The following ANKRD16 variants were observed in gnomAD, a reference collection of about 807,000 sequenced individuals.
The protein encoded by ANKRD16 is ankyrin repeat domain 16, also known as ankyrin repeat domain-containing protein 16.
ANKRD16 carries 35 observed loss-of-function variants against 37.9 expected under a neutral mutation model. That is an observed-to-expected ratio of 0.92 (90% CI 0.71 to 1.23). The LOEUF is 1.23. Ranked by LOEUF, ANKRD16 falls within the 50% of genes most tolerant of loss-of-function variation. ANKRD16 has a pLI of 0.00. For synonymous variants in ANKRD16, 206 were observed against 197.2 expected (o/e 1.04, Z -0.37); for missense variants, 480 against 469.9 (o/e 1.02, Z -0.20).
rs1842065431 is a variant in ANKRD16, at chr10:5,870,221, T to A, written c.*34-7530A>T. ...CTGCCTTCCCATTCTCTCTCAAACC[T>A]GCTCTGATCTTTGTCCAGCTCCTCA... On this transcript the variant is annotated intron_variant, in intron 7 of 7. Coordinates refer to ENST00000380094, the MANE Select transcript of ANKRD16 (RefSeq NM_019046.3). This position sits in a 1 kb window ranked among gnomAD's most constrained non-coding sequence, Gnocchi z 5.0. Among the ~76,000 whole-genome samples the A allele has an allele frequency of 6.6e-6, 1 of 152,008 alleles. No individual in the cohort carries two copies. Among genetic ancestry groups the A allele is most frequent in the Admixed American group, 6.6e-5 (1 of 15,254 alleles).
Position 5,878,089 on chromosome 10 carries a change from T to C in ANKRD16, c.*33+8A>G. 6.3e-7 allele frequency: 1 copy of C among 1,588,774 alleles called. No homozygotes were observed. Among genetic ancestry groups the C allele is most frequent in the Non-Finnish European group, 8.6e-7 (1 of 1,166,548 alleles). On this transcript the variant is annotated splice_region_variant and intron_variant, in intron 7 of 7. Transcript: ENST00000380094. This position sits in a 1 kb window ranked among gnomAD's most constrained non-coding sequence, Gnocchi z 5.1. ...TGTGACTGACTTAAGAAGCAGGATA[T>C]GAATTACCATGCACTTTATTGCCTC...
chr10:5,882,526 T>C (rs1171294496), intron 5 of ANKRD16, among the ~76,000 whole-genome samples: 1 of 147,202 alleles, frequency 6.8e-6, no homozygotes, highest in Non-Finnish European at 1.5e-5. Context: ...ATAAAGCCAA[T>C]AGATAATGTT....
chr10:5,875,882 TTTTTG>T (rs1369049086), intron 7 of ANKRD16, among the ~76,000 whole-genome samples: 1 of 133,826 alleles, frequency 7.5e-6, no homozygotes, highest in African/African-American at 2.8e-5. Context: ...CAGGCTAATT[TTTTTG>T]TTTTGTTTTG....
At chr10:5,887,451 T>C (rs1264773086) in intron 2 of ANKRD16, among the ~76,000 whole-genome samples, 3 of 151,504 alleles carry the variant, frequency 2.0e-5, no homozygotes, top group South Asian at 4.1e-4. Context: ...CTTGGCTTAG[T>C]ACAACCTCTG....
At position 5,889,162 on chromosome 10, in the gene ANKRD16, C is replaced by CGGTT; in HGVS notation, c.192_193insAACC (p.Glu65AsnfsTer108). 1 of 1,598,410 alleles carries CGGTT rather than the reference C, an allele frequency of 6.3e-7. No individual in the cohort carries two copies. Among genetic ancestry groups the CGGTT allele is most frequent in the Non-Finnish European group, 8.5e-7 (1 of 1,179,422 alleles). Reference sequence around the variant, plus strand: ...CGCTTGTAGTCTCGGTTGGTGGCCTCGATGTCCATGCCCCAGGCCTCGGCC... The same window carrying CGGTT: ...CGCTTGTAGTCTCGGTTGGTGGCCTCGGTTGATGTCCATGCCCCAGGCCTCGGCC... On this transcript the variant is annotated frameshift_variant, in exon 1 of 8. Transcript: ENST00000380094. LOFTEE classifies it high-confidence loss of function.
chr10:5,881,933 T>C (rs1842323749), intron 5 of ANKRD16, among the ~76,000 whole-genome samples: 1 of 151,886 alleles, frequency 6.6e-6, no homozygotes, highest in Admixed American at 6.6e-5. Flanking sequence ...ACGATCCACC[T>C]GCCTCAGCCT....
rs1481869195 is a variant in ANKRD16 at position 5,863,059 on chromosome 10, C to G, written c.*34-368G>C. On this transcript the variant is annotated intron_variant, in intron 7 of 7. Coordinates refer to ENST00000380094, the MANE Select transcript of ANKRD16 (RefSeq NM_019046.3). This position sits in a 1 kb window ranked among gnomAD's most constrained non-coding sequence, Gnocchi z 4.7. ...AAAACTGCAGGACAGGGACCCTCAG[C>G]TGCTGCTATACAGCCAGTGATCCTG... is the stretch of plus-strand genomic sequence containing the variant. 1.3e-5 allele frequency among the ~76,000 whole-genome samples: 2 copies of G among 152,122 alleles called. No homozygotes were observed. Among genetic ancestry groups the G allele is most frequent in the African/African-American group, 4.8e-5 (2 of 41,394 alleles).
At chr10:5,873,027 T>TC (rs1842127589) in intron 7 of ANKRD16, among the ~76,000 whole-genome samples, 1 of 102,500 alleles carries the variant, frequency 9.8e-6, no homozygotes, top group Admixed American at 1.1e-4. Context: ...ACCTGGCTAA[T>TC]CTTTTTTTTT....
intron 3 of ANKRD16, among the ~76,000 whole-genome samples, chr10:5,884,647 G>A (rs1018918304): frequency 1.3e-5 from 2 of 149,724 alleles, no homozygotes; most frequent in African/African-American, 2.5e-5. Context: ...CAGGAGAATC[G>A]CTTGAACCTG....
At chr10:5,886,047 G>T (rs748072804) in intron 2 of ANKRD16, among the ~76,000 whole-genome samples, 5 of 152,158 alleles carry the variant, frequency 3.3e-5, no homozygotes, top group Non-Finnish European at 7.3e-5. Context: ...ACACTTCTGT[G>T]CTGTGGATCC....
chr10:5,886,951 T>C (rs1842432827), intron 2 of ANKRD16, among the ~76,000 whole-genome samples: 1 of 152,226 alleles, frequency 6.6e-6, no homozygotes, highest in Non-Finnish European at 1.5e-5. Flanking sequence ...TATGAGTATC[T>C]ATATTTATTT....
chr10:5,885,254 C>G (rs1202682598), intron 3 of ANKRD16, among the ~76,000 whole-genome samples: 1 of 152,062 alleles, frequency 6.6e-6, no homozygotes, highest in African/African-American at 2.4e-5. Context: ...GATCTCGGCT[C>G]ACTGCAAGCT....
rs531840448 is a variant in ANKRD16, at chr10:5,872,755, A to G, written c.*33+5342T>C. On this transcript the variant is annotated intron_variant, in intron 7 of 7. Transcript: ENST00000380094. The stretch of plus-strand genomic sequence containing the variant: ...GTATTTTTAGTAGAGACGGGATTTC[A>G]CCGTGTTAGCCAAGATGGTCTTAAT... 3.3e-5 allele frequency among the ~76,000 whole-genome samples: 5 copies of G among 151,650 alleles called. No homozygotes were observed. The South Asian group carries it at 1.0e-3, about 32-fold the overall frequency.
At chr10:5,881,438 T>TTATAAA (rs1422263395) in intron 5 of ANKRD16, among the ~76,000 whole-genome samples, 1,355 of 50,930 alleles carry the variant, frequency 0.027, 96 homozygotes, top group Middle Eastern at 0.037. Context: ...AAAATATTAT[T>TTATAAA]TATATATATA....
chr10:5,883,637 A>G (rs1227534406), intron 4 of ANKRD16, among the ~76,000 whole-genome samples: 1 of 152,214 alleles, frequency 6.6e-6, no homozygotes, highest in Admixed American at 6.5e-5. Context: ...TTATGATTCA[A>G]TGTTCCAGGC....
At chr10:5,883,256 C>T (rs1842350751) in intron 4 of ANKRD16, 89 bp from the exon 5 acceptor site, 3 of 1,389,386 alleles carry the variant, frequency 2.2e-6, no homozygotes, top group Non-Finnish European at 2.9e-6. Flanking sequence ...TTCAGCAAAA[C>T]TGAGCTGTTT....
intron 5 of ANKRD16, chr10:5,881,141 C>G (rs1181789953): frequency 1.1e-6 from 1 of 893,570 alleles, no homozygotes. Flanking sequence ...ATTCTCAATT[C>G]TAATATAAAT....
At position 5,883,973 on chromosome 10, in the gene ANKRD16, T is replaced by C; in HGVS notation, c.683A>G (p.His228Arg). The C allele has an allele frequency of 1.2e-6, 2 of 1,613,670 alleles. No individual in the cohort carries two copies. The highest frequency in any genetic ancestry group is 2.2e-5 in the East Asian group (1 of 44,876). ...AAAACACAACCATTTTTATACCCCATGTTCATCGAGGAGCAGCCTAGCGAC... is the reference window on the plus strand; with the variant it reads ...AAAACACAACCATTTTTATACCCCACGTTCATCGAGGAGCAGCCTAGCGAC... ...IDVARLLLDEHGACLSAEDSL... is the reference protein window; with the variant it reads ...IDVARLLLDERGACLSAEDSL... Residue 228 changes from histidine to arginine, a missense_variant, in exon 4 of 8, where the codon CAT becomes CGT. Coordinates refer to ENST00000380094, the MANE Select transcript of ANKRD16 (RefSeq NM_019046.3).
intron 5 of ANKRD16, among the ~76,000 whole-genome samples, chr10:5,881,727 G>A (rs1200609815): frequency 1.2e-4 from 16 of 138,014 alleles, no homozygotes; most frequent in Non-Finnish European, 2.0e-4. Context: ...TCACTCTGTC[G>A]TCCAGGCTGG....
Sources: gnomAD v4.1 joint callset for allele counts (sites outside exome capture counted in the v4.1 genomes callset) on GRCh38, gnomAD v4.1.1 for gene constraint, Gnocchi (gnomAD v3.1) non-coding constraint, MANE v1.5 for transcripts, NCBI Gene and HGNC (gene_info 2026-07-23, HGNC 2026-07-21) for gene names.